The following RAPGEF5 variants were observed in gnomAD, a reference collection of about 807,000 sequenced individuals.
RAPGEF5 encodes M-Ras-regulated GEF.
RAPGEF5 carries 65 observed loss-of-function variants against 125.2 expected under a neutral mutation model. The observed-to-expected ratio is 0.52, with a 90% confidence interval of 0.43 to 0.64. The LOEUF is 0.64. Among genes scored for constraint, RAPGEF5 ranks in the 30% least tolerant of loss-of-function variants. The pLI, the probability that RAPGEF5 is intolerant of heterozygous loss-of-function variation, is 0.00. For synonymous variants in RAPGEF5, 391 were observed against 385.9 expected, an observed-to-expected ratio of 1.01 and a Z score of -0.16; for missense variants, 958 against 1,048.1, an observed-to-expected ratio of 0.91 and a Z score of 1.19.
At chr7:22,246,815 T>C (rs1433221983) in intron 7 of RAPGEF5, among the ~76,000 whole-genome samples, 2 of 152,176 alleles carry the variant, frequency 1.3e-5, no homozygotes, top group East Asian at 1.9e-4. Context: ...GGGAAAATAT[T>C]TGCAAACAGT....
At chr7:22,158,204 A>T (rs1316391212) in intron 14 of RAPGEF5, among the ~76,000 whole-genome samples, 3 of 151,008 alleles carry the variant, frequency 2.0e-5, no homozygotes, top group African/African-American at 4.9e-5. Flanking sequence ...AGGATTTTTT[A>T]AAATTGCAAT....
chr7:22,197,893 T>TAGGG (rs139871450), intron 9 of RAPGEF5, among the ~76,000 whole-genome samples: 29 of 116,354 alleles, frequency 2.5e-4, no homozygotes, highest in African/African-American at 9.5e-4. Context: ...TCTTTTTTTT[T>TAGGG]GGGGGGGGGT....
intron 11 of RAPGEF5, among the ~76,000 whole-genome samples, chr7:22,181,932 C>A (rs962536755): frequency 6.6e-6 from 1 of 152,172 alleles, no homozygotes; most frequent in Non-Finnish European, 1.5e-5. Context: ...CAAAGAATAT[C>A]TCTTTTAGAT....
intron 24 of RAPGEF5, among the ~76,000 whole-genome samples, chr7:22,128,126 G>A (rs1322966002): frequency 6.6e-6 from 1 of 152,100 alleles, no homozygotes; most frequent in African/African-American, 2.4e-5. Context: ...CTGGGTAGTG[G>A]GTGTGGCATT....
At chr7:22,288,971 A>G (rs1278496601) in intron 6 of RAPGEF5, among the ~76,000 whole-genome samples, 1 of 152,074 alleles carries the variant, frequency 6.6e-6, no homozygotes, top group East Asian at 1.9e-4. Flanking sequence ...GTCTACTTAC[A>G]TTTTTTCATT....
intron 8 of RAPGEF5, 144 bp from the exon 9 acceptor site, chr7:22,220,135 A>T: frequency 9.2e-7 from 1 of 1,088,458 alleles, no homozygotes; most frequent in Non-Finnish European, 1.3e-6. Flanking sequence ...TTGCCTTTCA[A>T]AAATTGAAGT....
chr7:22,354,592 A>T (rs1210335651), intron 1 of RAPGEF5, among the ~76,000 whole-genome samples: 1 of 152,118 alleles, frequency 6.6e-6, no homozygotes, highest in African/African-American at 2.4e-5. Flanking sequence ...TTGAAGCCCT[A>T]ACCCCAAACA....
intron 11 of RAPGEF5, among the ~76,000 whole-genome samples, chr7:22,179,566 T>C (rs1784610714): frequency 6.6e-6 from 1 of 152,162 alleles, no homozygotes; most frequent in African/African-American, 2.4e-5. Flanking sequence ...TGATACCTAC[T>C]GGGCTGCATT....
At chr7:22,125,968 C>G (rs879485275) in intron 24 of RAPGEF5, among the ~76,000 whole-genome samples, 2 of 151,926 alleles carry the variant, frequency 1.3e-5, no homozygotes, top group South Asian at 2.1e-4. Context: ...GCCAATATGG[C>G]GAAACCCCAT....
chr7:22,152,573 A>T (rs958360513), intron 17 of RAPGEF5, among the ~76,000 whole-genome samples: 2 of 152,224 alleles, frequency 1.3e-5, no homozygotes, highest in Non-Finnish European at 2.9e-5. Context: ...TACCCTGGGT[A>T]AAAAACAGCT....
chr7:22,290,642 GGCT>G (rs1310830758), intron 6 of RAPGEF5, among the ~76,000 whole-genome samples: 4 of 150,944 alleles, frequency 2.6e-5, no homozygotes, highest in Non-Finnish European at 4.4e-5. Flanking sequence ...CTACTTGGGA[GGCT>G]GAGGCAGGAG....
chr7:22,217,577 C>T (rs1785669739), intron 9 of RAPGEF5, among the ~76,000 whole-genome samples: 1 of 152,086 alleles, frequency 6.6e-6, no homozygotes, highest in Admixed American at 6.6e-5. Context: ...CAATATCAGC[C>T]TTGAGAGTTG....
At position 22,357,085 on chromosome 7, in the gene RAPGEF5, G is replaced by A. The variant is rs935002499; in HGVS notation, c.-25C>T. On this transcript the variant is annotated 5_prime_UTR_variant, in exon 1 of 26. Transcript: ENST00000665637. ...TGCCCTGACGGCGCTGCGGCGCCGG[G>A]GGCTCCTCTCCACCGCGCTCGCCTC... The A allele has an allele frequency of 1.4e-5, 14 of 1,018,702 alleles. No homozygotes were observed. The highest frequency in any genetic ancestry group is 3.5e-6 in the Non-Finnish European group (3 of 849,522). 63.1% of individuals were successfully genotyped at this position (1,018,702 alleles called of 1,614,324 possible).
chr7:22,130,971 G>C (rs768231542), intron 24 of RAPGEF5, 66 bp downstream of exon 24: 1 of 1,513,970 alleles, frequency 6.6e-7, no homozygotes, highest in Non-Finnish European at 8.9e-7. Context: ...TTATTTCCTA[G>C]AGCAGGAAAG....
Position 22,161,285 on chromosome 7 carries a change from A to C in RAPGEF5, c.1429-670T>G, listed in dbSNP as rs113837191. 2.2e-4 allele frequency among the ~76,000 whole-genome samples: 33 copies of C among 152,248 alleles called. 1 individual carries two copies. The highest frequency in any genetic ancestry group is 7.7e-4 in the African/African-American group (32 of 41,538). On this transcript the variant is annotated intron_variant, in intron 13 of 25. Coordinates refer to ENST00000665637, the MANE Select transcript of RAPGEF5 (RefSeq NM_012294.5). ...GTTGGGTGTGGTGGCTCAGGCTGTA[A>C]ATCCCAACACTTTGGGAGGCTGAGT... is the stretch of plus-strand genomic sequence containing the variant.
chr7:22,168,703 T>C (rs1784250224), intron 11 of RAPGEF5, among the ~76,000 whole-genome samples: 1 of 152,248 alleles, frequency 6.6e-6, no homozygotes, highest in Non-Finnish European at 1.5e-5. Flanking sequence ...TATACGAGGT[T>C]GTGGATGACA....
intron 11 of RAPGEF5, among the ~76,000 whole-genome samples, chr7:22,179,902 G>A (rs1021908140): frequency 1.6e-4 from 25 of 152,172 alleles, no homozygotes. Context: ...CCCACCCCTT[G>A]TTTATCATAT....
At position 22,326,113 on chromosome 7, in the gene RAPGEF5, T is replaced by C. The variant is rs74689591; in HGVS notation, c.232-8076A>G. 8.9e-3 allele frequency among the ~76,000 whole-genome samples: 1,355 copies of C among 152,216 alleles called. 13 individuals are homozygous for C. Among genetic ancestry groups the C allele is most frequent in the African/African-American group, 0.031 (1,300 of 41,460 alleles). ...GTCTTAAATGTGTCTTTTCAATTTG[T>C]ACATAGATTTTTGAAAGCTGCAGAA... is the stretch of plus-strand genomic sequence containing the variant. On this transcript the variant is annotated intron_variant, in intron 1 of 25. Transcript: ENST00000665637.
chr7:22,327,825 G>A (rs769017951), intron 1 of RAPGEF5, among the ~76,000 whole-genome samples: 2 of 152,216 alleles, frequency 1.3e-5, no homozygotes, highest in Non-Finnish European at 2.9e-5. Flanking sequence ...TTAAAAGATT[G>A]CTGGGCTCCA....
Sources: allele counts gnomAD v4.1 joint callset (sites outside exome capture counted in the v4.1 genomes callset), GRCh38; gene constraint gnomAD v4.1.1; transcripts MANE v1.5; gene names NCBI Gene and HGNC (gene_info 2026-07-23, HGNC 2026-07-21).